Variants in RPGRIP1L observed in about 807,000 individuals in gnomAD.
The protein encoded by RPGRIP1L is protein fantom.
In RPGRIP1L, 131 loss-of-function variants were observed where a neutral mutation model predicts 160.4. That is an observed-to-expected ratio of 0.82 (90% CI 0.71 to 0.94). The LOEUF is 0.94. Among genes scored for constraint, RPGRIP1L ranks in the 40% least tolerant of loss-of-function variants. RPGRIP1L has a pLI of 0.00. For synonymous variants in RPGRIP1L, 510 were observed against 515.8 expected (o/e 0.99, Z 0.15); for missense variants, 1,522 against 1,535.8 (o/e 0.99, Z 0.15).
intron 22 of RPGRIP1L, among the ~76,000 whole-genome samples, chr16:53,625,252 G>A (rs912983779): frequency 1.3e-5 from 2 of 151,782 alleles, no homozygotes; most frequent in East Asian, 3.9e-4. Context: ...GAGCCCCTCT[G>A]CCCGGCAGCC....
chr16:53,676,679 G>A (rs1969200841), intron 6 of RPGRIP1L, among the ~76,000 whole-genome samples: 2 of 151,976 alleles, frequency 1.3e-5, no homozygotes, highest in South Asian at 4.1e-4. Flanking sequence ...TGTCACCCAG[G>A]CTGGAGTGTA....
Position 53,622,166 on chromosome 16 carries a change from C to G in RPGRIP1L, c.3432+53G>C, listed in dbSNP as rs929143165. The G allele has an allele frequency of 5.9e-5, 32 of 539,494 alleles. No individual in the cohort carries two copies. The South Asian group carries it at 7.7e-4, about 13-fold the overall frequency. 33.4% of individuals were successfully genotyped at this position (539,494 alleles called of 1,614,324 possible). ...GATCATGAGGTCGGGAGTTTGAGAC[C>G]AGCATGGCCAACATAGTGAAACCCC... On this transcript the variant is annotated intron_variant, in intron 23 of 26. Transcript: ENST00000647211.
At chr16:53,671,169 G>A (rs1412124028) in intron 9 of RPGRIP1L, among the ~76,000 whole-genome samples, 1 of 151,972 alleles carries the variant, frequency 6.6e-6, no homozygotes, top group African/African-American at 2.4e-5. Flanking sequence ...ATGGGAATTT[G>A]TAATACATAC....
At chr16:53,666,564 C>CTGTGTG (rs1003253635) in intron 9 of RPGRIP1L, among the ~76,000 whole-genome samples, 4 of 112,294 alleles carry the variant, frequency 3.6e-5, no homozygotes, top group East Asian at 2.9e-4. Context: ...GTGAGTACAT[C>CTGTGTG]TATGTGTGTG....
chr16:53,658,585 A>G, intron 11 of RPGRIP1L, 121 bp from the exon 12 acceptor site: 1 of 908,170 alleles, frequency 1.1e-6, no homozygotes, highest in East Asian at 2.6e-5. Context: ...TAACAAACTA[A>G]GTCTACAAGA....
intron 6 of RPGRIP1L, among the ~76,000 whole-genome samples, chr16:53,680,735 T>A (rs551957090): frequency 6.6e-6 from 1 of 151,972 alleles, no homozygotes; most frequent in Admixed American, 6.6e-5. Context: ...TACTTACCCG[T>A]AACTGTACAG....
chr16:53,619,963 T>C (rs1217307753), intron 23 of RPGRIP1L, among the ~76,000 whole-genome samples: 1 of 152,304 alleles, frequency 6.6e-6, no homozygotes, highest in Admixed American at 6.5e-5. Context: ...AAATAATTAA[T>C]AGACTAGGAT....
intron 22 of RPGRIP1L, 62 bp downstream of exon 22, chr16:53,636,377 T>G (rs1451994674): frequency 9.3e-7 from 1 of 1,081,070 alleles, no homozygotes; most frequent in Admixed American, 1.7e-5. Context: ...AGACTACATA[T>G]GTACTGTGAA....
chr16:53,607,795 A>G (rs1261123623), intron 25 of RPGRIP1L, among the ~76,000 whole-genome samples: 1 of 152,248 alleles, frequency 6.6e-6, no homozygotes, highest in Non-Finnish European at 1.5e-5. Flanking sequence ...TGAGATGTCA[A>G]AAACAAAATT....
intron 13 of RPGRIP1L, 100 bp from the exon 14 acceptor site, chr16:53,656,689 G>A: frequency 1.1e-6 from 1 of 886,944 alleles, no homozygotes; most frequent in Non-Finnish European, 1.9e-6. Context: ...CCTGGAAATA[G>A]TAGGAGCTAT....
rs773361667 is a variant in RPGRIP1L at position 53,602,121 on chromosome 16, G to C, written c.3903C>G (p.Ala1301=). 3.7e-6 allele frequency: 6 copies of C among 1,613,832 alleles called. No homozygotes were observed. Among genetic ancestry groups the C allele is most frequent in the Non-Finnish European group, 5.1e-6 (6 of 1,179,832 alleles). Residue 1301 remains alanine, a synonymous_variant, in exon 27 of 27, where the codon GCC becomes GCG. Transcript: ENST00000647211. ...KLRVTVEALH[A]LQSVYKQYRD... is the part of the protein sequence containing the mutation. Reference sequence around the variant, plus strand: ...TGTATTGCTTGTAGACAGACTGGAGGGCATGGAGAGCTTCGACTGTTACCC... The same window carrying C: ...TGTATTGCTTGTAGACAGACTGGAGCGCATGGAGAGCTTCGACTGTTACCC...
chr16:53,599,346 CTG>C lies in RPGRIP1L; in HGVS notation c.*2728_*2729del. The C allele has an allele frequency of 6.6e-6, 1 of 152,246 alleles. No individual in the cohort carries two copies. The highest frequency in any genetic ancestry group is 2.4e-5 in the African/African-American group (1 of 41,548). The allele number at this position is 152,246 out of a possible 1,614,324, so 9.4% of individuals were successfully genotyped here. ...TGATAATTTAGAAAACATGGTGAAA[CTG>C]AGAGTGAAGAGAAATGTTCTTTACG... On this transcript the variant is annotated 3_prime_UTR_variant, in exon 27 of 27. Transcript: ENST00000647211.
chr16:53,655,411 C>T (rs1165005112), intron 14 of RPGRIP1L: 2 of 152,056 alleles, frequency 1.3e-5, no homozygotes, highest in African/African-American at 4.8e-5. Flanking sequence ...CCTTCTCGAA[C>T]CTCAATAAGT....
intron 8 of RPGRIP1L, among the ~76,000 whole-genome samples, chr16:53,671,891 CAT>C (rs995348633): frequency 9.9e-5 from 15 of 152,190 alleles, no homozygotes; most frequent in Non-Finnish European, 1.8e-4. Context: ...TCCCGGGAAA[CAT>C]AGTATTTTTT....
chr16:53,636,785 GA>G (rs1340805270), intron 21 of RPGRIP1L, among the ~76,000 whole-genome samples: 4 of 152,064 alleles, frequency 2.6e-5, no homozygotes, highest in Non-Finnish European at 5.9e-5. Flanking sequence ...ATTTTAAAAA[GA>G]GAACCATAGG....
In RPGRIP1L at chr16:53,669,189, T is replaced by A. The variant is rs527248814; in HGVS notation, c.1103+2321A>T. ...AAGAATCTGAGAGACAATGTAGACT[T>A]TTGTCGAATTTCTCCAACTATACTT... On this transcript the variant is annotated intron_variant, in intron 9 of 26. Coordinates refer to ENST00000647211, the MANE Select transcript of RPGRIP1L (RefSeq NM_015272.5). Among the ~76,000 whole-genome samples the A allele has an allele frequency of 2.2e-3, 337 of 152,276 alleles. 2 individuals are homozygous for A. The highest frequency in any genetic ancestry group is 7.8e-3 in the African/African-American group (323 of 41,584).
chr16:53,658,834 G>A lies in RPGRIP1L; in HGVS notation c.1288C>T (p.Gln430Ter). Reference sequence around the variant, plus strand: ...AGTTGTTGCTTTTGTTCCAGATACTGTAACTGTAGTTCTCTATTCTCTTGA... The same window carrying A: ...AGTTGTTGCTTTTGTTCCAGATACTATAACTGTAGTTCTCTATTCTCTTGA... ...LVQENRELQL[Q>*]YLEQKQQLDE... The change falls in exon 11 of 27, where the codon CAG becomes TAG. Residue 430 changes from glutamine (Q) to a stop codon, truncating the protein, a stop_gained. Transcript: ENST00000647211. LOFTEE classifies it high-confidence loss of function. 1 of 1,608,444 alleles carries A rather than the reference G, an allele frequency of 6.2e-7. No individual in the cohort carries two copies. The highest frequency in any genetic ancestry group is 8.5e-7 in the Non-Finnish European group (1 of 1,176,404).
At chr16:53,668,213 T>C (rs1968438602) in intron 9 of RPGRIP1L, among the ~76,000 whole-genome samples, 2 of 152,292 alleles carry the variant, frequency 1.3e-5, no homozygotes, top group South Asian at 4.1e-4. Flanking sequence ...GCTGCTCATA[T>C]TTGATCACAT....
rs139068808 is a variant in RPGRIP1L, at chr16:53,642,104, T to C, written c.2684-629A>G. 5.2e-3 allele frequency among the ~76,000 whole-genome samples: 789 copies of C among 152,226 alleles called. 8 individuals are homozygous for C. Among genetic ancestry groups the C allele is most frequent in the African/African-American group, 0.018 (746 of 41,572 alleles). Reference sequence around the variant, plus strand: ...ACAAAAGAAACTTGAATCTGTTATATTGAGTCTCAAATTTTAACAGTTGCA... The same window carrying C: ...ACAAAAGAAACTTGAATCTGTTATACTGAGTCTCAAATTTTAACAGTTGCA... On this transcript the variant is annotated intron_variant, in intron 17 of 26. Coordinates refer to ENST00000647211, the MANE Select transcript of RPGRIP1L (RefSeq NM_015272.5).
Sources: gnomAD v4.1 joint callset for allele counts (sites outside exome capture counted in the v4.1 genomes callset) on GRCh38, gnomAD v4.1.1 for gene constraint, MANE v1.5 for transcripts, NCBI Gene and HGNC (gene_info 2026-07-23, HGNC 2026-07-21) for gene names.